NUP160: variants seen among roughly 807,000 people sequenced by gnomAD.
NUP160 encodes the protein nuclear pore complex protein Nup160.
A neutral mutation model predicts 196.9 loss-of-function variants in NUP160; 94 were observed. That is an observed-to-expected ratio of 0.48 (90% CI 0.40 to 0.57). The LOEUF (loss-of-function observed/expected upper bound fraction) is 0.57. NUP160 is among the 20% of genes least tolerant of loss of function. NUP160 has a pLI of 0.00. For synonymous variants in NUP160, 605 were observed against 619.7 expected, an observed-to-expected ratio of 0.98 and a Z score of 0.35; for missense variants, 1,638 against 1,748.3, an observed-to-expected ratio of 0.94 and a Z score of 1.13.
chr11:47,836,761 T>C, intron 6 of NUP160, 126 bp downstream of exon 6: 1 of 589,362 alleles, frequency 1.7e-6, no homozygotes, highest in South Asian at 2.5e-5. Context: ...TGTCTGAATC[T>C]GGCAGTGACC....
intron 7 of NUP160, among the ~76,000 whole-genome samples, chr11:47,835,191 T>C (rs1852149651): frequency 1.3e-5 from 2 of 152,178 alleles, no homozygotes; most frequent in Admixed American, 1.3e-4. Context: ...CTATTATTAA[T>C]GTGCATAAAG....
rs376933653 is a variant in NUP160, at chr11:47,828,612, G to A, written c.1102-6448C>T. On this transcript the variant is annotated intron_variant, in intron 7 of 35. Transcript: ENST00000378460. ...TTCTAAAACTCATATGGAATTGAATGGGACCCAGAATAGCCAAAACAATCT... is the reference window on the plus strand; with the variant it reads ...TTCTAAAACTCATATGGAATTGAATAGGACCCAGAATAGCCAAAACAATCT... 9.2e-5 allele frequency among the ~76,000 whole-genome samples: 14 copies of A among 152,224 alleles called. No individual in the cohort carries two copies. The East Asian group carries it at 1.7e-3, about 19-fold the overall frequency.
chr11:47,798,493 A>C, intron 23 of NUP160, 30 bp from the exon 24 acceptor site: 1 of 1,214,332 alleles, frequency 8.2e-7, no homozygotes, highest in Non-Finnish European at 1.2e-6. Flanking sequence ...ATTTCCATTA[A>C]AATTAATATT....
chr11:47,825,361 C>T lies in NUP160; in HGVS notation c.1102-3197G>A, dbSNP rs752547281. Among the ~76,000 whole-genome samples the T allele has an allele frequency of 6.3e-4, 96 of 151,670 alleles. 1 individual carries two copies. Among genetic ancestry groups the T allele is most frequent in the Non-Finnish European group, 2.9e-4 (20 of 67,948 alleles). ...GCAGTGGTGTGATCTCGGCTCACTG[C>T]AACCTCTGCCTCCCAGGTTCAAGCA... On this transcript the variant is annotated intron_variant, in intron 7 of 35. Transcript: ENST00000378460.
chr11:47,794,074 G>A (rs140311308), intron 27 of NUP160, among the ~76,000 whole-genome samples: 2 of 152,234 alleles, frequency 1.3e-5, no homozygotes, highest in East Asian at 1.9e-4. Context: ...CCAGGGAATC[G>A]GGGTTGGGAG....
At chr11:47,782,667 AT>A (rs1229583345) in intron 34 of NUP160, among the ~76,000 whole-genome samples, 2 of 151,730 alleles carry the variant, frequency 1.3e-5, no homozygotes, top group Non-Finnish European at 1.5e-5. Flanking sequence ...TTATTTATTT[AT>A]TTATTTTTGA....
At position 47,791,833 on chromosome 11, in the gene NUP160, T is replaced by C; in HGVS notation, c.3511+97A>G. On this transcript the variant is annotated intron_variant, in intron 29 of 35. Transcript: ENST00000378460. ...ATAACATTTATATATTACTATTATA[T>C]GTAGCTTATTTAACTACATATTTCT... The C allele has an allele frequency of 3.6e-6, 3 of 842,538 alleles. No individual in the cohort carries two copies. In the Admixed American group the frequency reaches 7.0e-5, roughly 20 times the overall value. 52.2% of individuals were successfully genotyped at this position (842,538 alleles called of 1,614,324 possible). A position where few individuals can be genotyped will look rare whatever the true frequency, so the allele number is the denominator to read the frequency against.
chr11:47,803,238 G>A (rs1337446608), intron 22 of NUP160, among the ~76,000 whole-genome samples, 200 bp downstream of exon 22: 1 of 151,514 alleles, frequency 6.6e-6, no homozygotes, highest in Non-Finnish European at 1.5e-5. Flanking sequence ...TTATGTTCCT[G>A]AGTCCTATCT....
intron 6 of NUP160, 94 bp from the exon 7 acceptor site, chr11:47,835,903 T>C (rs188315538): frequency 8.0e-6 from 8 of 1,005,044 alleles, no homozygotes; most frequent in African/African-American, 1.7e-5. Flanking sequence ...TTGTATCTAC[T>C]GCTCTATCTA....
chr11:47,829,647 CTAAT>C (rs973422987), intron 7 of NUP160, among the ~76,000 whole-genome samples: 3 of 152,044 alleles, frequency 2.0e-5, no homozygotes, highest in Non-Finnish European at 2.9e-5. Context: ...AAAAGACAAA[CTAAT>C]TAAAAAATGG....
intron 2 of NUP160, among the ~76,000 whole-genome samples, chr11:47,846,917 T>A (rs1158196224): frequency 6.6e-6 from 1 of 152,104 alleles, no homozygotes; most frequent in Non-Finnish European, 1.5e-5. Flanking sequence ...CCTCCCTCCC[T>A]CCTTTTGGAA....
At chr11:47,810,047 A>T (rs1217141699) in intron 17 of NUP160, among the ~76,000 whole-genome samples, 1 of 152,120 alleles carries the variant, frequency 6.6e-6, no homozygotes, top group Non-Finnish European at 1.5e-5. Flanking sequence ...AAAAATTGAC[A>T]AAAGTTATAA....
In NUP160 at chr11:47,806,152, CA is replaced by C. The variant is rs764476529; in HGVS notation, c.2606del (p.Leu869TyrfsTer11). ...TCACTGGCTTCTAAATAAAAGGATACAAAAGCTGCAATAAATAACTGGTAAT... is the reference window on the plus strand; with the variant it reads ...TCACTGGCTTCTAAATAAAAGGATACAAAGCTGCAATAAATAACTGGTAAT... On this transcript the variant is annotated frameshift_variant and splice_region_variant, in exon 20 of 36. Coordinates refer to ENST00000378460, the Ensembl canonical transcript of NUP160. LOFTEE classifies it high-confidence loss of function. 1.2e-6 allele frequency: 2 copies of C among 1,613,780 alleles called. No individual in the cohort carries two copies. The highest frequency in any genetic ancestry group is 1.7e-6 in the Non-Finnish European group (2 of 1,179,792).
intron 27 of NUP160, among the ~76,000 whole-genome samples, chr11:47,796,717 C>T (rs549727487): frequency 6.6e-6 from 1 of 152,202 alleles, no homozygotes; most frequent in Non-Finnish European, 1.5e-5. Flanking sequence ...TTGATAACTT[C>T]TAAATGTAAT....
chr11:47,830,974 G>A (rs1852062068), intron 7 of NUP160, among the ~76,000 whole-genome samples: 1 of 152,074 alleles, frequency 6.6e-6, no homozygotes, highest in African/African-American at 2.4e-5. Flanking sequence ...GACCAGCCTG[G>A]CCAACATGGT....
intron 7 of NUP160, among the ~76,000 whole-genome samples, chr11:47,834,098 A>C (rs1038654386): frequency 1.3e-5 from 2 of 152,220 alleles, no homozygotes. Context: ...TAGATACTGC[A>C]TAATATAAAA....
intron 32 of NUP160, 100 bp downstream of exon 32, chr11:47,786,348 GAAAGA>G (rs1414062558): frequency 1.6e-6 from 1 of 633,948 alleles, no homozygotes; most frequent in Admixed American, 3.0e-5. Context: ...TAGCCAAAAA[GAAAGA>G]AAAAAGTGAA....
At chr11:47,804,241 GA>G (rs1311918750) in intron 21 of NUP160, 10 of 258,214 alleles carry the variant, frequency 3.9e-5, no homozygotes. Flanking sequence ...TGTCCAGAGA[GA>G]AGTAGAGAAA....
chr11:47,793,943 G>A (rs993722717), intron 27 of NUP160, among the ~76,000 whole-genome samples: 2 of 151,676 alleles, frequency 1.3e-5, no homozygotes, highest in Non-Finnish European at 2.9e-5. Flanking sequence ...AAATTCTGAC[G>A]CCACTACAAG....
Sources: gnomAD v4.1 joint callset for allele counts (sites outside exome capture counted in the v4.1 genomes callset) on GRCh38, gnomAD v4.1.1 for gene constraint, MANE v1.5 for transcripts, NCBI Gene and HGNC (gene_info 2026-07-23, HGNC 2026-07-21) for gene names.